The following SYNCRIP variants were observed in gnomAD, a reference collection of about 807,000 sequenced individuals.
SYNCRIP encodes the protein heterogeneous nuclear ribonucleoprotein Q.
A neutral mutation model predicts 68.9 loss-of-function variants in SYNCRIP; 9 were observed. The ratio of observed to expected loss-of-function variants is 0.13; its 90% CI spans 0.08 to 0.23. The LOEUF (loss-of-function observed/expected upper bound fraction) is 0.23. Ranked by LOEUF, SYNCRIP falls within the 10% of genes least tolerant of loss-of-function variation. SYNCRIP has a pLI of 1.00. For missense variants in SYNCRIP, 414 were observed against 770.6 expected (o/e 0.54, Z 5.48); for synonymous variants, 258 against 254.0 (o/e 1.02, Z -0.15).
intron 8 of SYNCRIP, among the ~76,000 whole-genome samples, chr6:85,620,118 CA>C (rs1380661984): frequency 6.6e-6 from 1 of 152,056 alleles, no homozygotes; most frequent in East Asian, 1.9e-4. Context: ...CGATGGTACG[CA>C]ACTATGGTTC....
chr6:85,615,819 T>C (rs1255719568), intron 10 of SYNCRIP, among the ~76,000 whole-genome samples: 2 of 152,182 alleles, frequency 1.3e-5, no homozygotes, highest in South Asian at 4.1e-4. Flanking sequence ...CAAAAAAAAA[T>C]TTGTCACTTT....
intron 9 of SYNCRIP, 42 bp downstream of exon 9, chr6:85,619,226 T>G: frequency 6.3e-7 from 1 of 1,596,838 alleles, no homozygotes; most frequent in South Asian, 1.1e-5. Flanking sequence ...ATGACTAAAT[T>G]TGTTAGTCTG....
downstream of SYNCRIP, chr6:85,612,006 G>C (rs1286474789): frequency 6.6e-6 from 1 of 152,120 alleles, no homozygotes; most frequent in Non-Finnish European, 1.5e-5. Flanking sequence ...GTAACATCTT[G>C]CTAAACTATT....
At chr6:85,610,434 T>A (rs1028347637), downstream of SYNCRIP, 1 of 151,988 alleles carries the variant, frequency 6.6e-6, no homozygotes, top group Non-Finnish European at 1.5e-5. Context: ...CTTCAATTTC[T>A]TTTTATCAGT....
chr6:85,643,518 C>T (rs1421838326), upstream of SYNCRIP, among the ~76,000 whole-genome samples: 1 of 152,068 alleles, frequency 6.6e-6, no homozygotes, highest in Admixed American at 6.5e-5. Context: ...CCGACACTCC[C>T]CCTCCCTCTC....
chr6:85,640,100 GA>G, intron 4 of SYNCRIP, 120 bp downstream of exon 4: 1 of 704,886 alleles, frequency 1.4e-6, no homozygotes, highest in Non-Finnish European at 2.4e-6. Flanking sequence ...AAGGAATTAG[GA>G]AAGATTGATG....
intron 8 of SYNCRIP, among the ~76,000 whole-genome samples, chr6:85,620,395 T>A (rs1292429603): frequency 6.6e-6 from 1 of 152,170 alleles, no homozygotes; most frequent in Non-Finnish European, 1.5e-5. Flanking sequence ...ACTTTAAATA[T>A]GTATTACTAA....
intron 6 of SYNCRIP, among the ~76,000 whole-genome samples, chr6:85,631,114 G>A (rs751879147): frequency 2.0e-5 from 3 of 152,126 alleles, no homozygotes; most frequent in East Asian, 1.9e-4. Flanking sequence ...AGGCTGAGGC[G>A]GGCAAATCAC....
chr6:85,636,857 T>A, intron 6 of SYNCRIP, 110 bp downstream of exon 6: 1 of 1,094,572 alleles, frequency 9.1e-7, no homozygotes, highest in Non-Finnish European at 1.3e-6. Context: ...AAAACCTGCC[T>A]AAATCAGTAC....
intron 6 of SYNCRIP, among the ~76,000 whole-genome samples, chr6:85,633,828 T>C (rs992866055): frequency 2.0e-4 from 31 of 152,202 alleles, no homozygotes; most frequent in African/African-American, 7.0e-4. Context: ...TTGGTACAGA[T>C]GGGGTCTATG....
At chr6:85,636,560 T>C (rs947354782) in intron 6 of SYNCRIP, among the ~76,000 whole-genome samples, 1 of 152,234 alleles carries the variant, frequency 6.6e-6, no homozygotes, top group Non-Finnish European at 1.5e-5. Context: ...ATAAAATCTT[T>C]TGTTTCATCA....
In SYNCRIP at chr6:85,638,380, CAAAAAAAAA is replaced by C. The variant is rs71003001; in HGVS notation, c.376-1033_376-1025del. ...TGGATGACAGAGCAAGACCCCATCT[CAAAAAAAAA>C]AAAAAAAAAAAAAAAAAAAAGGTAC... is the stretch of plus-strand genomic sequence containing the variant. On this transcript the variant is annotated intron_variant, in intron 4 of 10. Transcript: ENST00000369622. Among the ~76,000 whole-genome samples the C allele has an allele frequency of 8.5e-3, 364 of 42,866 alleles. 2 individuals are homozygous for C. The highest frequency in any genetic ancestry group is 0.034 in the African/African-American group (341 of 10,104). The allele number at this position is 42,866 out of a possible 152,430, so 28.1% of individuals were successfully genotyped here. A position where few individuals can be genotyped will look rare whatever the true frequency, so the allele number is the denominator to read the frequency against.
Position 85,615,024 on chromosome 6 carries a change from A to C in SYNCRIP, c.1604T>G (p.Val535Gly), listed in dbSNP as rs748233444. Residue 535 changes from valine to glycine, a missense_variant, in exon 11 of 11, where the codon GTT (valine) becomes GGT (glycine). This residue lies in a region of SYNCRIP where 130 missense variants were observed against 149.0 expected (regional missense o/e 0.87). Coordinates refer to ENST00000369622, the MANE Select transcript of SYNCRIP (RefSeq NM_006372.5). ...TTGGGCACCTCCTCTCGCACCTCGAACGCCTCTTGCTGATCCAGGACCTCC... is the reference window on the plus strand; with the variant it reads ...TTGGGCACCTCCTCTCGCACCTCGACCGCCTCTTGCTGATCCAGGACCTCC... ...QRGGPGSARG[V>G]RGARGGAQQQ... The C allele has an allele frequency of 6.2e-7, 1 of 1,613,940 alleles. No homozygotes were observed. Among genetic ancestry groups the C allele is most frequent in the Admixed American group, 1.7e-5 (1 of 59,988 alleles).
exon 12 of SYNCRIP, chr6:85,608,668 G>A (rs147499816): frequency 6.6e-6 from 1 of 151,948 alleles, no homozygotes; most frequent in Admixed American, 6.5e-5. Context: ...ATACTAGTCA[G>A]GTACAAGCTT....
At chr6:85,636,121 G>A (rs1808417040) in intron 6 of SYNCRIP, among the ~76,000 whole-genome samples, 1 of 152,064 alleles carries the variant, frequency 6.6e-6, no homozygotes, top group Non-Finnish European at 1.5e-5. Context: ...TAGTTTAAAG[G>A]ACTTACATAA....
chr6:85,632,641 T>A (rs939099005), intron 6 of SYNCRIP, among the ~76,000 whole-genome samples: 3 of 151,604 alleles, frequency 2.0e-5, no homozygotes, highest in African/African-American at 7.3e-5. Context: ...AGCATCCTTT[T>A]AAAAAAAAAG....
At chr6:85,613,001 A>G (rs1212105141), downstream of SYNCRIP, 17 of 1,485,166 alleles carry the variant, frequency 1.1e-5, no homozygotes, top group Non-Finnish European at 1.5e-5. Context: ...GATAACATTA[A>G]AAAGACAAGC....
chr6:85,640,268 T>C lies in SYNCRIP; in HGVS notation c.328A>G (p.Thr110Ala). Residue 110 changes from threonine to alanine, a missense_variant, in exon 4 of 11, where the codon ACC becomes GCC. Thr to Ala is a moderately conservative substitution (Grantham distance 58). Around this residue, in one of 6 missense-constraint regions of SYNCRIP, gnomAD observed 110 missense variants for 269.3 expected, o/e 0.41. Coordinates refer to ENST00000369622, the MANE Select transcript of SYNCRIP (RefSeq NM_006372.5). ...CCTTTACTAGAATCTGCTACTTTGGTCCCTTGTTTTTCTCTCTGCCTGTAA... is the reference window on the plus strand; with the variant it reads ...CCTTTACTAGAATCTGCTACTTTGGCCCCTTGTTTTTCTCTCTGCCTGTAA... ...KTYRQREKQG[T>A]KVADSSKGPD... 6.2e-7 allele frequency: 1 copy of C among 1,613,892 alleles called. No individual in the cohort carries two copies. The highest frequency in any genetic ancestry group is 8.5e-7 in the Non-Finnish European group (1 of 1,179,900).
At chr6:85,640,381 A>C in intron 3 of SYNCRIP, 53 bp from the exon 4 acceptor site, 1 of 1,587,174 alleles carries the variant, frequency 6.3e-7, no homozygotes, top group East Asian at 2.2e-5. Context: ...TGAGTCTAAT[A>C]AAATTCAGCA....
Sources: gnomAD v4.1 joint callset for allele counts (sites outside exome capture counted in the v4.1 genomes callset) on GRCh38, gnomAD v4.1.1 for gene constraint, gnomAD v4.1.1 regional missense constraint, MANE v1.5 for transcripts, NCBI Gene and HGNC (gene_info 2026-07-23, HGNC 2026-07-21) for gene names.